The following RFX3 variants were observed in gnomAD, a reference collection of about 807,000 sequenced individuals.
The protein encoded by RFX3 is transcription factor RFX3.
Under a neutral mutation model 98.6 loss-of-function variants are expected in RFX3, and 14 were observed. The ratio of observed to expected loss-of-function variants is 0.14; its 90% CI spans 0.09 to 0.22. RFX3 has a LOEUF of 0.22. Ranked by LOEUF, RFX3 falls within the 10% of genes least tolerant of loss-of-function variation. RFX3 has a pLI of 1.00. For synonymous variants in RFX3, 383 were observed against 328.4 expected (o/e 1.17, Z -1.80); for missense variants, 639 against 926.9 (o/e 0.69, Z 4.03).
chr9:3,422,571 A>G (rs997423855), intron 1 of RFX3, among the ~76,000 whole-genome samples: 1 of 152,220 alleles, frequency 6.6e-6, no homozygotes, highest in African/African-American at 2.4e-5. Flanking sequence ...AGATCTTTTA[A>G]GTGATTTACA....
chr9:3,367,808 A>G (rs1253327274), intron 2 of RFX3, among the ~76,000 whole-genome samples: 1 of 152,228 alleles, frequency 6.6e-6, no homozygotes, highest in Admixed American at 6.5e-5. Context: ...TTCCTCAAAA[A>G]GTTCGAATAG....
chr9:3,524,556 TAAAAA>T, intron 1 of RFX3: 20 of 771,562 alleles, frequency 2.6e-5, no homozygotes, highest in Non-Finnish European at 3.0e-5. Flanking sequence ...ATGAGGAGAT[TAAAAA>T]AAAAAAAACT....
At position 3,222,942 on chromosome 9, in the gene RFX3, T is replaced by A. The variant is rs1817417568; in HGVS notation, c.*2100A>T. ...ATATTTAAATTTTACTTAAGAAATG[T>A]TGTTGATGTTATTTGAGTAGTCTGA... On this transcript the variant is annotated 3_prime_UTR_variant, in exon 17 of 17. Transcript: ENST00000617270. 6.6e-6 allele frequency: 1 copy of A among 152,210 alleles called. No homozygotes were observed. Among genetic ancestry groups the A allele is most frequent in the South Asian group, 2.1e-4 (1 of 4,834 alleles). The allele number at this position is 152,210 out of a possible 1,614,324, so 9.4% of individuals were successfully genotyped here.
At chr9:3,323,962 T>C (rs189918031) in intron 4 of RFX3, 1 of 407,978 alleles carries the variant, frequency 2.5e-6, no homozygotes, top group African/African-American at 2.0e-5. Context: ...AGACTACAAG[T>C]CATTCAAAGT....
intron 1 of RFX3, among the ~76,000 whole-genome samples, chr9:3,467,095 TGTAA>T (rs1389077360): frequency 1.4e-5 from 2 of 139,022 alleles, no homozygotes; most frequent in Non-Finnish European, 3.1e-5. Context: ...CATACATATA[TGTAA>T]GTATATATGT....
intron 4 of RFX3, among the ~76,000 whole-genome samples, chr9:3,320,874 G>A (rs1016340957): frequency 1.4e-5 from 2 of 147,088 alleles, no homozygotes; most frequent in East Asian, 2.0e-4. Flanking sequence ...ACGTTTATTT[G>A]CATATTTCCC....
intron 1 of RFX3, among the ~76,000 whole-genome samples, chr9:3,475,940 C>T (rs1449418858): frequency 1.3e-5 from 2 of 152,186 alleles, no homozygotes; most frequent in African/African-American, 4.8e-5. Flanking sequence ...TGCTTGGCAA[C>T]AGGCATCTTC....
At chr9:3,470,199 C>T (rs1241081112) in intron 1 of RFX3, among the ~76,000 whole-genome samples, 2 of 152,206 alleles carry the variant, frequency 1.3e-5, no homozygotes, top group African/African-American at 4.8e-5. Context: ...AACAGCATAG[C>T]TATGTGGCCA....
chr9:3,433,579 G>T (rs1296714512), intron 1 of RFX3, among the ~76,000 whole-genome samples: 2 of 152,244 alleles, frequency 1.3e-5, no homozygotes, highest in African/African-American at 4.8e-5. Context: ...ACTGTGCTTG[G>T]GTGGGGGTGT....
chr9:3,516,661 C>A (rs937699725), intron 1 of RFX3, among the ~76,000 whole-genome samples: 2 of 152,068 alleles, frequency 1.3e-5, no homozygotes, highest in Non-Finnish European at 2.9e-5. Context: ...AAAATGAGAT[C>A]AACAGAAACC....
intron 12 of RFX3, 77 bp from the exon 13 acceptor site, chr9:3,263,161 C>G: frequency 1.3e-6 from 2 of 1,494,116 alleles, no homozygotes; most frequent in Non-Finnish European, 1.8e-6. Flanking sequence ...AATCTTCTTT[C>G]CCTTCACAAA....
At chr9:3,463,855 T>C (rs898953105) in intron 1 of RFX3, among the ~76,000 whole-genome samples, 1 of 151,952 alleles carries the variant, frequency 6.6e-6, no homozygotes, top group Non-Finnish European at 1.5e-5. Flanking sequence ...ACGCCTACGG[T>C]CCCAGCTCCT....
chr9:3,253,200 G>A (rs974984546), intron 14 of RFX3, among the ~76,000 whole-genome samples: 5 of 152,126 alleles, frequency 3.3e-5, no homozygotes, highest in Admixed American at 6.6e-5. Flanking sequence ...CCTAACATGC[G>A]ATAGCCAACC....
chr9:3,510,639 G>T (rs941069425), intron 1 of RFX3, among the ~76,000 whole-genome samples: 4 of 151,910 alleles, frequency 2.6e-5, no homozygotes, highest in African/African-American at 9.7e-5. Context: ...TAAGTACAAG[G>T]TATCTAAAAG....
intron 1 of RFX3, among the ~76,000 whole-genome samples, chr9:3,463,662 C>A (rs767304579): frequency 1.3e-5 from 2 of 151,874 alleles, no homozygotes; most frequent in Non-Finnish European, 2.9e-5. Context: ...AAGAAGGAAA[C>A]AAAGAACTGT....
intron 2 of RFX3, among the ~76,000 whole-genome samples, chr9:3,393,019 A>C (rs1220155450): frequency 7.7e-6 from 1 of 129,682 alleles, no homozygotes; most frequent in East Asian, 2.7e-4. Context: ...CATATGGTTC[A>C]ATCTGTCAAG....
intron 4 of RFX3, among the ~76,000 whole-genome samples, chr9:3,313,969 C>G (rs1587000540): frequency 6.6e-6 from 1 of 152,214 alleles, no homozygotes. Flanking sequence ...TCCAGGAGAA[C>G]TTCCCCAATT....
At chr9:3,255,907 G>C (rs1025723663) in intron 14 of RFX3, among the ~76,000 whole-genome samples, 2 of 151,868 alleles carry the variant, frequency 1.3e-5, no homozygotes, top group African/African-American at 4.8e-5. Flanking sequence ...ATGATCATTA[G>C]AATCACCAGG....
intron 4 of RFX3, among the ~76,000 whole-genome samples, chr9:3,320,665 G>GATTT (rs1831163206): frequency 1.4e-5 from 2 of 148,032 alleles, no homozygotes; most frequent in Non-Finnish European, 3.0e-5. Context: ...CGCTCAACAT[G>GATTT]GAGACTTTTT....
Sources: allele counts gnomAD v4.1 joint callset (sites outside exome capture counted in the v4.1 genomes callset), GRCh38; gene constraint gnomAD v4.1.1; transcripts MANE v1.5; gene names NCBI Gene and HGNC (gene_info 2026-07-23, HGNC 2026-07-21).